SLIT3: variants seen among roughly 807,000 people sequenced by gnomAD.
SLIT3 encodes the protein slit homolog 3 protein.
In SLIT3, 68 loss-of-function variants were observed where a neutral mutation model predicts 184.0. The ratio of observed to expected loss-of-function variants is 0.37; its 90% confidence interval spans 0.30 to 0.45. The LOEUF is 0.45. SLIT3 is among the 20% of genes least tolerant of loss of function. The pLI is 1.00. For synonymous variants in SLIT3, 831 were observed against 828.6 expected (o/e 1.00, Z -0.05); for missense variants, 1,707 against 2,026.0 (o/e 0.84, Z 3.02).
chr5:169,119,814 A>C (rs1487950427), intron 4 of SLIT3: 1 of 152,152 alleles, frequency 6.6e-6, no homozygotes, highest in East Asian at 1.9e-4. Context: ...TGTTCTTCTG[A>C]CTGGAAATGT....
chr5:168,956,348 A>G (rs567869531), intron 4 of SLIT3, among the ~76,000 whole-genome samples: 2 of 152,352 alleles, frequency 1.3e-5, no homozygotes, highest in East Asian at 1.9e-4. Flanking sequence ...CGTATGTGAG[A>G]AAAGGACAGC....
chr5:169,127,595 A>G (rs1761129260), intron 4 of SLIT3, among the ~76,000 whole-genome samples: 1 of 152,208 alleles, frequency 6.6e-6, no homozygotes, highest in South Asian at 2.1e-4. Flanking sequence ...CTCTATTGTC[A>G]AGCAAATCAG....
At chr5:169,275,405 T>C (rs1326806731) in intron 1 of SLIT3, among the ~76,000 whole-genome samples, 1 of 152,206 alleles carries the variant, frequency 6.6e-6, no homozygotes, top group Non-Finnish European at 1.5e-5. Context: ...CCTAAAGACT[T>C]TTCCAAACAA....
At chr5:168,857,314 G>A (rs1054055588) in intron 5 of SLIT3, among the ~76,000 whole-genome samples, 9 of 152,224 alleles carry the variant, frequency 5.9e-5, no homozygotes, top group Non-Finnish European at 1.2e-4. Flanking sequence ...CCACTGTTCT[G>A]GGTAGGGGAT....
intron 4 of SLIT3, among the ~76,000 whole-genome samples, chr5:168,991,695 A>G: frequency 6.6e-6 from 1 of 152,240 alleles, no homozygotes; most frequent in Non-Finnish European, 1.5e-5. Flanking sequence ...AAATTCTTTC[A>G]GTCATTCTGG....
intron 4 of SLIT3, among the ~76,000 whole-genome samples, chr5:168,967,482 C>T (rs1258164792): frequency 4.3e-5 from 1 of 23,430 alleles, no homozygotes; most frequent in African/African-American, 1.3e-4. Flanking sequence ...CTCTGTCGCC[C>T]AGGCTGGAGT....
intron 4 of SLIT3, 120 bp downstream of exon 4, chr5:169,193,359 T>A (rs1763621357): frequency 8.8e-6 from 7 of 799,104 alleles, no homozygotes; most frequent in Non-Finnish European, 1.6e-5. Flanking sequence ...CTGCTCCAAG[T>A]CTCTATGTCA....
intron 4 of SLIT3, among the ~76,000 whole-genome samples, chr5:169,067,486 C>CATCT (rs1173490125): frequency 6.6e-6 from 1 of 152,094 alleles, no homozygotes; most frequent in Non-Finnish European, 1.5e-5. Flanking sequence ...ACAATCCATC[C>CATCT]ATCTCTGTGC....
chr5:168,806,376 G>T (rs867454955), intron 9 of SLIT3, 70 bp downstream of exon 9: 7 of 1,565,412 alleles, frequency 4.5e-6, no homozygotes, highest in Non-Finnish European at 6.1e-6. Flanking sequence ...GGCCTAGTGG[G>T]TGATGGGCTG....
intron 4 of SLIT3, among the ~76,000 whole-genome samples, chr5:169,139,437 A>T (rs1258861166): frequency 6.6e-6 from 1 of 152,138 alleles, no homozygotes; most frequent in East Asian, 1.9e-4. Context: ...CATCATCATC[A>T]TCCTAGTTTC....
At chr5:168,818,822 C>T (rs1472085335) in intron 7 of SLIT3, among the ~76,000 whole-genome samples, 2 of 152,242 alleles carry the variant, frequency 1.3e-5, no homozygotes, top group African/African-American at 4.8e-5. Context: ...GCCTTCCTGC[C>T]ACTGTGTGGG....
chr5:168,675,145 C>G (rs1438855318), intron 32 of SLIT3, among the ~76,000 whole-genome samples: 1 of 152,108 alleles, frequency 6.6e-6, no homozygotes, highest in Non-Finnish European at 1.5e-5. Context: ...AATGTGACAC[C>G]TCTTCCTTCC....
At chr5:168,748,750 T>C (rs1754594498) in intron 19 of SLIT3, among the ~76,000 whole-genome samples, 1 of 152,158 alleles carries the variant, frequency 6.6e-6, no homozygotes, top group Admixed American at 6.5e-5. Flanking sequence ...GAGCCTTGTC[T>C]TTTCCCTTCC....
chr5:168,708,335 C>T (rs1441987424), intron 25 of SLIT3: 10 of 585,078 alleles, frequency 1.7e-5, no homozygotes, highest in Middle Eastern at 9.1e-4. Flanking sequence ...AACACTTCTG[C>T]AGTCAAATCA....
intron 4 of SLIT3, among the ~76,000 whole-genome samples, chr5:168,915,104 G>A (rs546514475): frequency 8.5e-5 from 13 of 152,126 alleles, no homozygotes; most frequent in Non-Finnish European, 1.6e-4. Context: ...ATAGTTAAAA[G>A]GGGGAGAATT....
intron 4 of SLIT3, among the ~76,000 whole-genome samples, chr5:169,135,200 G>T (rs951343473): frequency 3.3e-5 from 5 of 152,126 alleles, no homozygotes; most frequent in African/African-American, 1.2e-4. Flanking sequence ...TCCACCTCCT[G>T]AATTCAAGCA....
chr5:168,828,385 C>T (rs1292128518), intron 6 of SLIT3, among the ~76,000 whole-genome samples: 1 of 152,050 alleles, frequency 6.6e-6, no homozygotes, highest in Non-Finnish European at 1.5e-5. Flanking sequence ...AATCCCAGTA[C>T]ATTGTGAGGC....
At chr5:168,970,165 A>G (rs1754519011) in intron 4 of SLIT3, among the ~76,000 whole-genome samples, 1 of 151,070 alleles carries the variant, frequency 6.6e-6, no homozygotes, top group Non-Finnish European at 1.5e-5. Context: ...TGGGCAACAG[A>G]GAGAGACTCT....
chr5:168,788,243 A>T (rs1756230156), intron 11 of SLIT3, among the ~76,000 whole-genome samples: 1 of 152,150 alleles, frequency 6.6e-6, no homozygotes, highest in Non-Finnish European at 1.5e-5. Flanking sequence ...AGCAGACACT[A>T]ATCTCACACA....
Sources: allele counts gnomAD v4.1 joint callset (sites outside exome capture counted in the v4.1 genomes callset), GRCh38; gene constraint gnomAD v4.1.1; transcripts MANE v1.5; gene names NCBI Gene and HGNC (gene_info 2026-07-23, HGNC 2026-07-21).